The following MTMR7 variants were observed in gnomAD, a reference collection of about 807,000 sequenced individuals.
MTMR7 encodes myotubularin related protein 7.
In MTMR7, 76 loss-of-function variants were observed where a neutral mutation model predicts 81.2. The ratio of observed to expected loss-of-function variants is 0.94; its 90% CI spans 0.78 to 1.13. MTMR7 has a LOEUF of 1.13. MTMR7 is among the 50% of genes most tolerant of loss of function. The pLI, the probability that MTMR7 is intolerant of heterozygous loss-of-function variation, is 0.00. For synonymous variants in MTMR7, 372 were observed against 289.8 expected, an observed-to-expected ratio of 1.28 and a Z score of -2.88; for missense variants, 1,044 against 820.0, an observed-to-expected ratio of 1.27 and a Z score of -3.34.
chr8:17,326,684 G>A (rs568887413), intron 7 of MTMR7, among the ~76,000 whole-genome samples: 1 of 152,316 alleles, frequency 6.6e-6, no homozygotes, highest in Admixed American at 6.5e-5. Context: ...CAGCCAACAT[G>A]TGGGGCCCTC....
At chr8:17,357,768 G>T (rs1277774466) in intron 4 of MTMR7, among the ~76,000 whole-genome samples, 1 of 152,168 alleles carries the variant, frequency 6.6e-6, no homozygotes, top group Non-Finnish European at 1.5e-5. Flanking sequence ...AGACAATTTG[G>T]AAGGAACATC....
chr8:17,397,017 C>T (rs1356268735), intron 1 of MTMR7, among the ~76,000 whole-genome samples: 2 of 151,868 alleles, frequency 1.3e-5, no homozygotes, highest in African/African-American at 4.8e-5. Context: ...CCAGTCCTAG[C>T]GGCATTCATC....
At chr8:17,397,597 C>G (rs957799167) in intron 1 of MTMR7, among the ~76,000 whole-genome samples, 4 of 152,162 alleles carry the variant, frequency 2.6e-5, no homozygotes, top group African/African-American at 9.7e-5. Flanking sequence ...TGACTCCAAT[C>G]CTTGGCTCCC....
At chr8:17,381,570 G>A (rs1389506140) in intron 1 of MTMR7, among the ~76,000 whole-genome samples, 2 of 152,154 alleles carry the variant, frequency 1.3e-5, no homozygotes, top group Non-Finnish European at 2.9e-5. Flanking sequence ...GTGCAGGGCC[G>A]GGGTGCCAGT....
intron 1 of MTMR7, among the ~76,000 whole-genome samples, chr8:17,405,857 C>A (rs201776484): frequency 4.9e-5 from 5 of 101,192 alleles, no homozygotes; most frequent in Admixed American, 1.2e-4. Flanking sequence ...CACACACACA[C>A]ACACACACAC....
chr8:17,325,599 G>A (rs908064299), intron 7 of MTMR7, among the ~76,000 whole-genome samples: 28 of 152,250 alleles, frequency 1.8e-4, no homozygotes, highest in African/African-American at 6.7e-4. Context: ...CGGGGCCTGC[G>A]TCCCACATGC....
chr8:17,404,396 A>G (rs1305091650), intron 1 of MTMR7, among the ~76,000 whole-genome samples: 1 of 152,186 alleles, frequency 6.6e-6, no homozygotes, highest in Non-Finnish European at 1.5e-5. Context: ...TTTGGGACAT[A>G]GTGAAATTGA....
chr8:17,321,730 A>C (rs796987453), intron 7 of MTMR7, among the ~76,000 whole-genome samples: 2 of 152,356 alleles, frequency 1.3e-5, no homozygotes, highest in African/African-American at 4.8e-5. Flanking sequence ...ATTTCAGCTG[A>C]CATCAGAGAC....
chr8:17,412,581 C>G (rs562805493), intron 1 of MTMR7, among the ~76,000 whole-genome samples: 1 of 152,158 alleles, frequency 6.6e-6, no homozygotes, highest in African/African-American at 2.4e-5. Flanking sequence ...GATCAGGGAC[C>G]ATTTGCTTTT....
At chr8:17,381,904 G>A (rs1216246291) in intron 1 of MTMR7, among the ~76,000 whole-genome samples, 1 of 152,186 alleles carries the variant, frequency 6.6e-6, no homozygotes, top group Non-Finnish European at 1.5e-5. Flanking sequence ...TTCTGAAATT[G>A]AACTGCTGGG....
intron 5 of MTMR7, among the ~76,000 whole-genome samples, chr8:17,345,329 T>A (rs907522830): frequency 1.3e-5 from 2 of 152,228 alleles, no homozygotes; most frequent in East Asian, 1.9e-4. Context: ...TTTAGTTCCC[T>A]GCCAGTCATG....
intron 1 of MTMR7, among the ~76,000 whole-genome samples, chr8:17,390,848 AC>A (rs1821085610): frequency 6.6e-6 from 1 of 151,926 alleles, no homozygotes; most frequent in African/African-American, 2.4e-5. Context: ...AGGGGAAACC[AC>A]CCCTGTGATC....
chr8:17,371,652 A>T (rs979815432), intron 2 of MTMR7, among the ~76,000 whole-genome samples: 2 of 152,098 alleles, frequency 1.3e-5, no homozygotes, highest in African/African-American at 4.8e-5. Context: ...TCAACATGGG[A>T]TTGTTGTTTT....
chr8:17,358,172 T>A (rs1260830250), intron 4 of MTMR7, among the ~76,000 whole-genome samples: 1 of 151,962 alleles, frequency 6.6e-6, no homozygotes, highest in Non-Finnish European at 1.5e-5. Context: ...CAAACTCAGC[T>A]TAAAAAGACA....
At chr8:17,309,407 T>C (rs532485711) in intron 9 of MTMR7, 81 bp from the exon 10 acceptor site, 1 of 956,194 alleles carries the variant, frequency 1.0e-6, no homozygotes, top group East Asian at 2.4e-5. Flanking sequence ...GTTGAGGAAT[T>C]CAGAGGCACT....
chr8:17,311,666 C>G, intron 8 of MTMR7, 30 bp from the exon 9 acceptor site: 1 of 1,613,598 alleles, frequency 6.2e-7, no homozygotes, highest in Non-Finnish European at 8.5e-7. Context: ...CAAAGAGTCA[C>G]AAAGAATGGC....
intron 4 of MTMR7, among the ~76,000 whole-genome samples, chr8:17,358,761 G>A (rs977089553): frequency 6.6e-6 from 1 of 151,820 alleles, no homozygotes; most frequent in Admixed American, 6.6e-5. Context: ...AAACAATTAG[G>A]CCCTTTATGC....
At chr8:17,392,594 C>T (rs923594404) in intron 1 of MTMR7, among the ~76,000 whole-genome samples, 4 of 152,248 alleles carry the variant, frequency 2.6e-5, no homozygotes, top group African/African-American at 9.6e-5. Context: ...GGCTTTGCCT[C>T]ATAGGCCACT....
chr8:17,304,390 G>C lies in MTMR7; in HGVS notation c.1482C>G (p.Asn494Lys). The C allele has an allele frequency of 1.9e-6, 3 of 1,612,662 alleles. No homozygotes were observed. Among genetic ancestry groups the C allele is most frequent in the Non-Finnish European group, 2.5e-6 (3 of 1,178,864 alleles). ...AAGGATTTACATACTTGTACATGAA[G>C]TTACATGGTGTTGTAGGGAGATGAA... ...GTLHLPTTPC[N>K]FMYKFWSGMY... is the part of the protein sequence containing the mutation. Residue 494 changes from asparagine to lysine, a missense_variant, in exon 12 of 14, where the codon AAC (asparagine) becomes AAG (lysine). Transcript: ENST00000180173.
Sources: allele counts gnomAD v4.1 joint callset (sites outside exome capture counted in the v4.1 genomes callset), GRCh38; gene constraint gnomAD v4.1.1; transcripts MANE v1.5; gene names NCBI Gene and HGNC (gene_info 2026-07-23, HGNC 2026-07-21).